Variants in HRK observed in about 807,000 individuals in gnomAD.
The protein encoded by HRK is activator of apoptosis harakiri.
Under a neutral mutation model 5.9 loss-of-function variants are expected in HRK, and 6 were observed. That is an observed-to-expected ratio of 1.02 (90% CI 0.56 to 2.01). The LOEUF is 2.01. HRK is among the 30% of genes most tolerant of loss of function. The pLI is 0.00. For missense variants in HRK, 133 were observed against 128.3 expected (o/e 1.04, Z -0.18); for synonymous variants, 85 against 65.1 (o/e 1.31, Z -1.47).
chr12:116,870,954 T>C (rs1185363346), intron 1 of HRK, among the ~76,000 whole-genome samples: 1 of 152,242 alleles, frequency 6.6e-6, no homozygotes, highest in Non-Finnish European at 1.5e-5. Flanking sequence ...AGTCTCGCTC[T>C]GTCGCTCAAG....
At chr12:116,871,372 G>A (rs547073772) in intron 1 of HRK, among the ~76,000 whole-genome samples, 4 of 150,696 alleles carry the variant, frequency 2.7e-5, no homozygotes, top group Non-Finnish European at 4.4e-5. Context: ...GCACGATCTC[G>A]GCTCACTGCA....
chr12:116,861,727 C>T (rs967175389), intron 1 of HRK, among the ~76,000 whole-genome samples: 2 of 152,186 alleles, frequency 1.3e-5, no homozygotes. Context: ...CCCCTCTCTG[C>T]TTTTAGACCT....
chr12:116,870,753 T>C (rs1878715821), intron 1 of HRK, among the ~76,000 whole-genome samples: 1 of 152,128 alleles, frequency 6.6e-6, no homozygotes. Context: ...TGAGCCCTGA[T>C]TGTGCCATTG....
At chr12:116,861,505 A>G (rs1878368218) in intron 1 of HRK, 39 bp from the exon 2 acceptor site, 1 of 152,224 alleles carries the variant, frequency 6.6e-6, no homozygotes, top group Admixed American at 6.5e-5. Context: ...CAGTGCAGAC[A>G]GCTGCTGGGG....
chr12:116,872,170 A>G (rs1878775833), intron 1 of HRK, among the ~76,000 whole-genome samples: 1 of 152,192 alleles, frequency 6.6e-6, no homozygotes, highest in Admixed American at 6.5e-5. Context: ...GGAGTTCGAG[A>G]CCAGGATGGC....
chr12:116,873,895 T>A (rs911888866), intron 1 of HRK, among the ~76,000 whole-genome samples: 1 of 151,988 alleles, frequency 6.6e-6, no homozygotes, highest in Admixed American at 6.6e-5. Context: ...GTGGGCTAAA[T>A]CAGAAATCCC....
intron 1 of HRK, among the ~76,000 whole-genome samples, chr12:116,865,196 C>A (rs2137245221): frequency 1.3e-5 from 2 of 152,192 alleles, no homozygotes; most frequent in Middle Eastern, 6.8e-3. Context: ...CTGATGTCAG[C>A]AAAGAATTAG....
In HRK at chr12:116,878,725, C is replaced by T. The variant is rs1879029209; in HGVS notation, c.*56+2251G>A. Among the ~76,000 whole-genome samples, 2 of 152,140 alleles carry T rather than the reference C, an allele frequency of 1.3e-5. No individual in the cohort carries two copies. The highest frequency in any genetic ancestry group is 4.1e-4 in the South Asian group (2 of 4,824). On this transcript the variant is annotated intron_variant, in intron 1 of 1. Coordinates refer to ENST00000257572, the MANE Select transcript of HRK (RefSeq NM_003806.4). The surrounding 1 kb of genome is among the most constrained non-coding windows in gnomAD (Gnocchi z 4.4). ...TCAGGGCGCCAGAGGCTGCAGAACC[C>T]TGGAGGGTGTGGCTGCAGGGGACGC...
chr12:116,859,677 G>T lies in HRK; in HGVS notation c.*1846C>A, dbSNP rs904844150. 1 of 151,802 alleles carries T rather than the reference G, an allele frequency of 6.6e-6. No homozygotes were observed. The highest frequency in any genetic ancestry group is 1.5e-5 in the Non-Finnish European group (1 of 67,944). 9.4% of individuals were successfully genotyped at this position (151,802 alleles called of 1,614,324 possible). On this transcript the variant is annotated 3_prime_UTR_variant, in exon 2 of 2. Coordinates refer to ENST00000257572, the MANE Select transcript of HRK (RefSeq NM_003806.4). ...GGTTTGCTGAGTTCAAAGCTGCGGG[G>T]TGGGGGAGTCTTCCCTGGCATTCAG...
At chr12:116,867,792 C>G (rs1047305310) in intron 1 of HRK, 23 of 152,142 alleles carry the variant, frequency 1.5e-4, no homozygotes, top group African/African-American at 3.6e-4. Flanking sequence ...TCTCAACCAC[C>G]TATTTTTAGT....
Position 116,857,356 on chromosome 12 carries a change from C to T in HRK, c.*4167G>A, listed in dbSNP as rs953765561. 7 of 152,226 alleles carry T rather than the reference C, an allele frequency of 4.6e-5. No homozygotes were observed. Among genetic ancestry groups the T allele is most frequent in the South Asian group, 2.1e-4 (1 of 4,832 alleles). The allele number at this position is 152,226 out of a possible 1,614,324, so 9.4% of individuals were successfully genotyped here. A position where few individuals can be genotyped will look rare whatever the true frequency, so the allele number is the denominator to read the frequency against. On this transcript the variant is annotated 3_prime_UTR_variant, in exon 2 of 2. Coordinates refer to ENST00000257572, the MANE Select transcript of HRK (RefSeq NM_003806.4). ...TGACACTTTGACATCAATTTCCTCC[C>T]CTCATGGAACTTCCAGTCAGCTCCA...
chr12:116,872,365 AAAAC>A (rs891787650), intron 1 of HRK, among the ~76,000 whole-genome samples: 7 of 152,190 alleles, frequency 4.6e-5, no homozygotes, highest in Non-Finnish European at 8.8e-5. Flanking sequence ...ACTTCATCTC[AAAAC>A]AAACAAACAA....
chr12:116,873,994 A>G (rs1039890884), intron 1 of HRK, among the ~76,000 whole-genome samples: 1 of 152,184 alleles, frequency 6.6e-6, no homozygotes, highest in African/African-American at 2.4e-5. Context: ...AGGGTGATGG[A>G]AACCCAATCG....
chr12:116,880,854 C>G (rs1436620792), intron 1 of HRK, 122 bp downstream of exon 1: 1 of 359,870 alleles, frequency 2.8e-6, no homozygotes, highest in African/African-American at 2.1e-5. Flanking sequence ...GAGAAGAGAA[C>G]GGAGGAAGAA....
intron 1 of HRK, among the ~76,000 whole-genome samples, chr12:116,865,826 C>T (rs1878523900): frequency 6.6e-6 from 1 of 152,166 alleles, no homozygotes; most frequent in African/African-American, 2.4e-5. Context: ...GCGCTCAATT[C>T]ATTATCTACT....
intron 1 of HRK, among the ~76,000 whole-genome samples, chr12:116,861,934 A>G (rs537438319): frequency 6.6e-6 from 1 of 152,290 alleles, no homozygotes; most frequent in South Asian, 2.1e-4. Context: ...CTTATTCCCA[A>G]GTATGCCAAG....
intron 1 of HRK, among the ~76,000 whole-genome samples, chr12:116,868,744 G>A (rs1878637199): frequency 6.6e-6 from 1 of 152,194 alleles, no homozygotes; most frequent in Admixed American, 6.5e-5. Context: ...AATAGGCATG[G>A]CGGTTTGCAT....
At position 116,879,827 on chromosome 12, in the gene HRK, T is replaced by G. The variant is rs1879076384; in HGVS notation, c.*56+1149A>C. Among the ~76,000 whole-genome samples, 2 of 152,164 alleles carry G rather than the reference T, an allele frequency of 1.3e-5. No individual in the cohort carries two copies. On this transcript the variant is annotated intron_variant, in intron 1 of 1. Coordinates refer to ENST00000257572, the MANE Select transcript of HRK (RefSeq NM_003806.4). The surrounding 1 kb of genome is among the most constrained non-coding windows in gnomAD (Gnocchi z 5.6). ...CGCCGCTCCAACTTCCCAGGGTGTC[T>G]GCGGCGCGCGGCGGGGCTCGGGGGC...
Position 116,871,917 on chromosome 12 carries a change from CT to C in HRK, c.*56+9058del, listed in dbSNP as rs1162352715. Among the ~76,000 whole-genome samples, 337 of 140,544 alleles carry C rather than the reference CT, an allele frequency of 2.4e-3. 1 individual carries two copies. Among genetic ancestry groups the C allele is most frequent in the East Asian group, 4.7e-3 (23 of 4,860 alleles). The allele number at this position is 140,544 out of a possible 152,430, so 92.2% of individuals were successfully genotyped here. ...TTAAAAAAATTTGTTTTAATTAGTT[CT>C]TTTTTTTTTTTCTTTGAGATGGGGG... On this transcript the variant is annotated intron_variant, in intron 1 of 1. Transcript: ENST00000257572.
Sources: allele counts gnomAD v4.1 joint callset (sites outside exome capture counted in the v4.1 genomes callset), GRCh38; gene constraint gnomAD v4.1.1; non-coding constraint Gnocchi (gnomAD v3.1); transcripts MANE v1.5; gene names NCBI Gene and HGNC (gene_info 2026-07-23, HGNC 2026-07-21).